The following RSRC1 variants were observed in gnomAD, a reference collection of about 807,000 sequenced individuals.
RSRC1 encodes the protein serine/Arginine-related protein 53.
A neutral mutation model predicts 49.1 loss-of-function variants in RSRC1; 39 were observed. That is an observed-to-expected ratio of 0.79 (90% CI 0.61 to 1.04). The LOEUF (loss-of-function observed/expected upper bound fraction) is 1.04, where lower values mean the gene tolerates loss of function less well. Ranked by LOEUF, RSRC1 falls within the 50% of genes least tolerant of loss-of-function variation. The pLI is 0.00. For synonymous variants in RSRC1, 143 were observed against 130.8 expected (o/e 1.09, Z -0.63); for missense variants, 388 against 402.4 (o/e 0.96, Z 0.31).
chr3:158,247,676 T>G (rs1723980934), intron 4 of RSRC1, among the ~76,000 whole-genome samples: 1 of 152,210 alleles, frequency 6.6e-6, no homozygotes, highest in Non-Finnish European at 1.5e-5. Context: ...GGGATCTGTT[T>G]CAGAACCTAG....
chr3:158,126,047 G>T (rs1443008530), intron 3 of RSRC1, among the ~76,000 whole-genome samples: 1 of 151,910 alleles, frequency 6.6e-6, no homozygotes, highest in South Asian at 2.1e-4. Flanking sequence ...CATTTGTATG[G>T]ATTATCTTTT....
At chr3:158,215,298 GTTTTT>G (rs34551128) in intron 4 of RSRC1, among the ~76,000 whole-genome samples, 1 of 131,218 alleles carries the variant, frequency 7.6e-6, no homozygotes, top group Non-Finnish European at 1.6e-5. Context: ...CATATAGATA[GTTTTT>G]TTTTTTTTTT....
chr3:158,206,131 C>T (rs1721332772), intron 4 of RSRC1, among the ~76,000 whole-genome samples: 1 of 152,194 alleles, frequency 6.6e-6, no homozygotes, highest in Non-Finnish European at 1.5e-5. Context: ...ACTATGAGTG[C>T]ACTTACCGCT....
At chr3:158,269,637 C>T (rs985713478) in intron 4 of RSRC1, among the ~76,000 whole-genome samples, 8 of 152,004 alleles carry the variant, frequency 5.3e-5, no homozygotes, top group Non-Finnish European at 1.2e-4. Flanking sequence ...CTCAGCCTCC[C>T]GAGTAGCTGG....
intron 3 of RSRC1, among the ~76,000 whole-genome samples, chr3:158,182,889 A>T (rs1719709307): frequency 1.3e-5 from 2 of 152,092 alleles, no homozygotes; most frequent in African/African-American, 4.8e-5. Flanking sequence ...TATAATTATG[A>T]TATGGTACTG....
chr3:158,298,803 T>C lies in RSRC1; in HGVS notation c.531+728T>C, dbSNP rs1578306034. Among the ~76,000 whole-genome samples, 7 of 152,288 alleles carry C rather than the reference T, an allele frequency of 4.6e-5. No homozygotes were observed. In the South Asian group the frequency reaches 1.4e-3, roughly 32 times the overall value. On this transcript the variant is annotated intron_variant, in intron 5 of 9. Transcript: ENST00000611884. ...TCAGATCCAAATGTTGAATAATTAA[T>C]GGTACATATTCTTTTGTAAATACAG...
At chr3:158,354,620 A>G (rs978072937) in intron 5 of RSRC1, among the ~76,000 whole-genome samples, 1 of 152,192 alleles carries the variant, frequency 6.6e-6, no homozygotes, top group Non-Finnish European at 1.5e-5. Flanking sequence ...GTTATTGCTG[A>G]TTGATACAAT....
At chr3:158,161,037 T>C (rs922865605) in intron 3 of RSRC1, among the ~76,000 whole-genome samples, 2 of 152,150 alleles carry the variant, frequency 1.3e-5, no homozygotes, top group East Asian at 1.9e-4. Flanking sequence ...ACTCTTTTTT[T>C]CCCCCTTGGC....
At chr3:158,230,638 A>T (rs539956755) in intron 4 of RSRC1, among the ~76,000 whole-genome samples, 1 of 152,186 alleles carries the variant, frequency 6.6e-6, no homozygotes, top group Non-Finnish European at 1.5e-5. Context: ...AGAAGATGCT[A>T]TATTTTAAAA....
intron 4 of RSRC1, among the ~76,000 whole-genome samples, chr3:158,290,812 T>C (rs753386762): frequency 2.6e-5 from 4 of 152,198 alleles, no homozygotes; most frequent in Admixed American, 1.3e-4. Context: ...AACTATGATC[T>C]TAGCTCTTAT....
chr3:158,530,315 A>G (rs1048093919), intron 7 of RSRC1, among the ~76,000 whole-genome samples: 4 of 151,794 alleles, frequency 2.6e-5, no homozygotes, highest in African/African-American at 4.8e-5. Context: ...ACAGGTTATC[A>G]TCTCCCAGAT....
At chr3:158,396,255 G>A (rs1441783773) in intron 6 of RSRC1, among the ~76,000 whole-genome samples, 1 of 151,994 alleles carries the variant, frequency 6.6e-6, no homozygotes, top group Non-Finnish European at 1.5e-5. Flanking sequence ...TATCATCTGG[G>A]TGATGAGATA....
intron 4 of RSRC1, among the ~76,000 whole-genome samples, chr3:158,226,473 G>GAATA (rs1325278357): frequency 6.6e-6 from 1 of 151,856 alleles, no homozygotes; most frequent in Non-Finnish European, 1.5e-5. Context: ...TTTCTTTTCT[G>GAATA]AATATGTAAC....
At chr3:158,282,214 A>G (rs1319972276) in intron 4 of RSRC1, among the ~76,000 whole-genome samples, 1 of 152,192 alleles carries the variant, frequency 6.6e-6, no homozygotes, top group African/African-American at 2.4e-5. Context: ...ATTACTGACA[A>G]TCAAGTGCCA....
intron 6 of RSRC1, among the ~76,000 whole-genome samples, chr3:158,361,891 T>C (rs1411359737): frequency 2.6e-5 from 4 of 152,200 alleles, no homozygotes; most frequent in Non-Finnish European, 4.4e-5. Flanking sequence ...ACCATTCCAG[T>C]ACCTAATGTT....
chr3:158,298,129 A>G (rs1476209535), intron 5 of RSRC1, 54 bp downstream of exon 5: 2 of 1,288,500 alleles, frequency 1.6e-6, no homozygotes, highest in African/African-American at 2.9e-5. Flanking sequence ...TCTGCATTCT[A>G]AATGAACACT....
At position 158,169,563 on chromosome 3, in the gene RSRC1, T is replaced by C. The variant is rs146637139; in HGVS notation, c.321-33509T>C. ...TTCAGTTGACAGATTATATTCTCTT[T>C]AAACTTCTCCTAGAGTACAATTATT... On this transcript the variant is annotated intron_variant, in intron 3 of 9. Coordinates refer to ENST00000611884, the MANE Select transcript of RSRC1 (RefSeq NM_001271838.2). Among the ~76,000 whole-genome samples the C allele has an allele frequency of 6.8e-4, 103 of 152,330 alleles. 1 individual carries two copies. Among genetic ancestry groups the C allele is most frequent in the African/African-American group, 2.4e-3 (99 of 41,582 alleles).
At chr3:158,160,993 T>G (rs1718181724) in intron 3 of RSRC1, among the ~76,000 whole-genome samples, 1 of 147,294 alleles carries the variant, frequency 6.8e-6, no homozygotes, top group South Asian at 2.1e-4. Flanking sequence ...CAAACAGTTG[T>G]TCTTGTGCTT....
At chr3:158,324,167 T>G (rs1728932203) in intron 5 of RSRC1, among the ~76,000 whole-genome samples, 1 of 152,208 alleles carries the variant, frequency 6.6e-6, no homozygotes, top group African/African-American at 2.4e-5. Flanking sequence ...CTTACTGGTA[T>G]ATGGCTTTCT....
Sources: gnomAD v4.1 joint callset for allele counts (sites outside exome capture counted in the v4.1 genomes callset) on GRCh38, gnomAD v4.1.1 for gene constraint, MANE v1.5 for transcripts, NCBI Gene and HGNC (gene_info 2026-07-23, HGNC 2026-07-21) for gene names.